The following DNPH1 variants were observed in gnomAD, a reference collection of about 807,000 sequenced individuals.
DNPH1 encodes the protein 2'-deoxynucleoside 5'-phosphate N-hydrolase 1.
A neutral mutation model predicts 15.7 loss-of-function variants in DNPH1; 18 were observed. That is an observed-to-expected ratio of 1.15 (90% CI 0.79 to 1.70). DNPH1 has a LOEUF of 1.70. Ranked by LOEUF, DNPH1 falls within the 40% of genes most tolerant of loss-of-function variation. DNPH1 has a pLI of 0.00. For missense variants in DNPH1, 262 were observed against 255.2 expected (o/e 1.03, Z -0.18); for synonymous variants, 114 against 107.9 (o/e 1.06, Z -0.35).
intron 1 of DNPH1, 25 bp downstream of exon 1, chr6:43,229,236 G>T: frequency 1.5e-6 from 2 of 1,314,878 alleles, no homozygotes; most frequent in Non-Finnish European, 9.6e-7. Context: ...CCGCGTCCCC[G>T]CGTCCCGCGG....
At position 43,226,425 on chromosome 6, in the gene DNPH1, T is replaced by C; in HGVS notation, c.197-30A>G. 1 of 1,596,970 alleles carries C rather than the reference T, an allele frequency of 6.3e-7. No homozygotes were observed. Among genetic ancestry groups the C allele is most frequent in the Middle Eastern group, 1.7e-4 (1 of 6,016 alleles). Reference sequence around the variant, plus strand: ...GTTGAGGGAAAGCTGGTCAAGGACATGCCTCATGCTGGCTCCCAGTAACTC... The same window carrying C: ...GTTGAGGGAAAGCTGGTCAAGGACACGCCTCATGCTGGCTCCCAGTAACTC... On this transcript the variant is annotated intron_variant, in intron 1 of 3. Coordinates refer to ENST00000230431, the MANE Select transcript of DNPH1 (RefSeq NM_006443.3). The surrounding 1 kb of genome is among the most constrained non-coding windows in gnomAD (Gnocchi z 4.1).
intron 1 of DNPH1, among the ~76,000 whole-genome samples, chr6:43,227,134 G>A (rs1053668409): frequency 7.0e-6 from 1 of 143,154 alleles, no homozygotes; most frequent in African/African-American, 2.6e-5. Context: ...GTACAGATTC[G>A]GGCCAGGCGC....
Position 43,226,865 on chromosome 6 carries a change from G to C in DNPH1, c.197-470C>G, listed in dbSNP as rs1776750619. ...CTCATGCCTGTAATCCCAGCACTTT[G>C]GGAGGCTGGGGCGGGTGGATCACTT... On this transcript the variant is annotated intron_variant, in intron 1 of 3. Transcript: ENST00000230431. The surrounding 1 kb of genome is among the most constrained non-coding windows in gnomAD (Gnocchi z 4.1). Among the ~76,000 whole-genome samples, 1 of 152,254 alleles carries C rather than the reference G, an allele frequency of 6.6e-6. No homozygotes were observed. The highest frequency in any genetic ancestry group is 1.5e-5 in the Non-Finnish European group (1 of 68,008).
Position 43,226,321 on chromosome 6 carries a change from A to C in DNPH1, c.265+6T>G. On this transcript the variant is annotated splice_donor_region_variant and intron_variant, in intron 2 of 3. Transcript: ENST00000230431. The surrounding 1 kb of genome is among the most constrained non-coding windows in gnomAD (Gnocchi z 4.1). ...TTAGGTGCTGGAAGGAGGGAGCGCC[A>C]CTCACCGTCCGCCTGCTGCAGCCAC... 6.2e-7 allele frequency: 1 copy of C among 1,611,756 alleles called. No individual in the cohort carries two copies. Among genetic ancestry groups the C allele is most frequent in the Non-Finnish European group, 8.5e-7 (1 of 1,179,664 alleles).
intron 1 of DNPH1, among the ~76,000 whole-genome samples, chr6:43,228,428 G>A (rs1442480643): frequency 6.6e-6 from 1 of 152,168 alleles, no homozygotes; most frequent in Non-Finnish European, 1.5e-5. Flanking sequence ...CTCCAGCCTG[G>A]GCGACAGAGA....
Position 43,226,088 on chromosome 6 carries a change from C to T in DNPH1, c.321G>A (p.Arg107=), listed in dbSNP as rs762785467. 1 of 1,613,664 alleles carries T rather than the reference C, an allele frequency of 6.2e-7. No individual in the cohort carries two copies. Among genetic ancestry groups the T allele is most frequent in the South Asian group, 1.1e-5 (1 of 91,084 alleles). The part of the protein sequence containing the change: ...PSLGVGYELG[R]AVAFNKRILC... The stretch of plus-strand genomic sequence containing the variant: ...GGATCCGCTTGTTAAAGGCCACGGC[C>T]CGGCCCAGCTCATAGCCTACACCCA... Residue 107 remains arginine, a synonymous_variant, in exon 3 of 4, where the codon CGG becomes CGA. Coordinates refer to ENST00000230431, the MANE Select transcript of DNPH1 (RefSeq NM_006443.3). The surrounding 1 kb of genome is among the most constrained non-coding windows in gnomAD (Gnocchi z 4.1).
At position 43,226,934 on chromosome 6, in the gene DNPH1, C is replaced by A. The variant is rs1405783765; in HGVS notation, c.197-539G>T. On this transcript the variant is annotated intron_variant, in intron 1 of 3. Coordinates refer to ENST00000230431, the MANE Select transcript of DNPH1 (RefSeq NM_006443.3). The surrounding 1 kb of genome is among the most constrained non-coding windows in gnomAD (Gnocchi z 4.1). The stretch of plus-strand genomic sequence containing the variant: ...CCAGCCTGGCCAACATGGTGAAACC[C>A]CATCTTTACTAAAAATACAAAAATT... Among the ~76,000 whole-genome samples the A allele has an allele frequency of 6.6e-6, 1 of 151,098 alleles. No homozygotes were observed. The highest frequency in any genetic ancestry group is 2.4e-5 in the African/African-American group (1 of 41,032).
In DNPH1 at chr6:43,229,224, GCCCGCGTC is replaced by G. The variant is rs1015580954; in HGVS notation, c.196+29_196+36del. The G allele has an allele frequency of 9.2e-6, 12 of 1,299,806 alleles. No homozygotes were observed. In the African/African-American group the frequency reaches 1.4e-4, roughly 15 times the overall value. The allele number at this position is 1,299,806 out of a possible 1,614,324, so 80.5% of individuals were successfully genotyped here. On this transcript the variant is annotated intron_variant, in intron 1 of 3. Coordinates refer to ENST00000230431, the MANE Select transcript of DNPH1 (RefSeq NM_006443.3). ...TCCCTGCCACCCCAGCCAGGTCCGC[GCCCGCGTC>G]CCCGCGTCCCGCGGCCCCAGGGCCT...
intron 1 of DNPH1, among the ~76,000 whole-genome samples, chr6:43,228,089 CAAAT>C (rs138632789): frequency 0.1 from 15,929 of 151,972 alleles, 818 homozygotes; most frequent in Admixed American, 0.11. Context: ...AGACTGTTTC[CAAAT>C]AAATAACTAA....
At chr6:43,227,281 A>G (rs1233985209) in intron 1 of DNPH1, among the ~76,000 whole-genome samples, 2 of 151,616 alleles carry the variant, frequency 1.3e-5, no homozygotes, top group Admixed American at 6.6e-5. Flanking sequence ...CAGGCGTGGT[A>G]GCAGGCGCCT....
In DNPH1 at chr6:43,225,835, C is replaced by T. The variant is rs1259763117; in HGVS notation, c.423G>A (p.Gln141=). ...CCTCTCCCTCCTCATAGTCCCACACCTGGAACCGAGAGCCATCTGCTGCTC... is the reference window on the plus strand; with the variant it reads ...CCTCTCCCTCCTCATAGTCCCACACTTGGAACCGAGAGCCATCTGCTGCTC... The part of the protein sequence containing the change: ...IRGAADGSRF[Q]VWDYEEGEVE... Residue 141 remains glutamine, a synonymous_variant, in exon 4 of 4, where the codon CAG becomes CAA. Coordinates refer to ENST00000230431, the MANE Select transcript of DNPH1 (RefSeq NM_006443.3). The T allele has an allele frequency of 6.2e-7, 1 of 1,614,082 alleles. No individual in the cohort carries two copies. Among genetic ancestry groups the T allele is most frequent in the East Asian group, 2.2e-5 (1 of 44,892 alleles).
rs1006951737 is a variant in DNPH1 at position 43,226,704 on chromosome 6, G to A, written c.197-309C>T. The A allele has an allele frequency of 7.4e-6, 3 of 407,422 alleles. No individual in the cohort carries two copies. The Admixed American group carries it at 1.3e-4, about 17-fold the overall frequency. The allele number at this position is 407,422 out of a possible 1,614,324, so 25.2% of individuals were successfully genotyped here. On this transcript the variant is annotated intron_variant, in intron 1 of 3. Coordinates refer to ENST00000230431, the MANE Select transcript of DNPH1 (RefSeq NM_006443.3). The surrounding 1 kb of genome is among the most constrained non-coding windows in gnomAD (Gnocchi z 4.1). Reference sequence around the variant, plus strand: ...GCCAAAAGTAGGAGAGGCATCCTAGGCCCAGAAGGTAGGGATCTCGGGTCT... The same window carrying A: ...GCCAAAAGTAGGAGAGGCATCCTAGACCCAGAAGGTAGGGATCTCGGGTCT...
rs376819578 is a variant in DNPH1, at chr6:43,225,874, C to G, written c.384G>C (p.Ser128=). The G allele has an allele frequency of 1.0e-4, 167 of 1,614,034 alleles. No individual in the cohort carries two copies. Among genetic ancestry groups the G allele is most frequent in the Non-Finnish European group, 1.3e-4 (153 of 1,180,038 alleles). The change falls in exon 4 of 4, where the codon TCG becomes TCC. Residue 128 remains serine (S), a synonymous_variant. Transcript: ENST00000230431. Reference sequence around the variant, plus strand: ...CATCTGCTGCTCCCCGGATCATGGCCGAAAGCACTGGAAAGGGCAGGGAAA... The same window carrying G: ...CATCTGCTGCTCCCCGGATCATGGCGGAAAGCACTGGAAAGGGCAGGGAAA... ...LFRPQSGRVL[S]AMIRGAADGS...
At position 43,226,014 on chromosome 6, in the gene DNPH1, G is replaced by A; in HGVS notation, c.376+19C>T. On this transcript the variant is annotated intron_variant, in intron 3 of 3. Coordinates refer to ENST00000230431, the MANE Select transcript of DNPH1 (RefSeq NM_006443.3). The surrounding 1 kb of genome is among the most constrained non-coding windows in gnomAD (Gnocchi z 4.1). The stretch of plus-strand genomic sequence containing the variant: ...GGCTGGGTCCATAGAAAGCCAGGAG[G>A]GAGGCTTGGGGTGCTCACCGCGGCC... The A allele has an allele frequency of 6.2e-7, 1 of 1,613,696 alleles. No homozygotes were observed. Among genetic ancestry groups the A allele is most frequent in the Non-Finnish European group, 8.5e-7 (1 of 1,179,814 alleles).
chr6:43,228,172 T>G (rs938283668), intron 1 of DNPH1, among the ~76,000 whole-genome samples: 4 of 152,040 alleles, frequency 2.6e-5, no homozygotes, highest in African/African-American at 9.7e-5. Flanking sequence ...AAAGAGAATA[T>G]GAGGCCAGCA....
At chr6:43,225,955 G>GCC (rs1562071044) in intron 3 of DNPH1, 74 bp from the exon 4 acceptor site, 1 of 1,613,324 alleles carries the variant, frequency 6.2e-7, no homozygotes, top group South Asian at 1.1e-5. Context: ...TGGGAGAGGC[G>GCC]CGGTGCTCAG....
chr6:43,228,337 C>G (rs1776773124), intron 1 of DNPH1, among the ~76,000 whole-genome samples: 1 of 152,004 alleles, frequency 6.6e-6, no homozygotes, highest in Non-Finnish European at 1.5e-5. Flanking sequence ...CCCCTGCAGT[C>G]CTTGCTAATA....
Position 43,229,329 on chromosome 6 carries a change from A to G in DNPH1, c.128T>C (p.Val43Ala). 6.7e-7 allele frequency: 1 copy of G among 1,491,868 alleles called. No individual in the cohort carries two copies. Among genetic ancestry groups the G allele is most frequent in the Non-Finnish European group, 8.9e-7 (1 of 1,123,914 alleles). 92.4% of individuals were successfully genotyped at this position (1,491,868 alleles called of 1,614,324 possible). ...TGTCCCGAATCGCCGCAGCCGAGAC[A>G]CGATCCGCTCGTACAGCGTCCTGTC... ...REDRTLYERI[V>A]SRLRRFGTVL... The change falls in exon 1 of 4, where the codon GTG (valine) becomes GCG (alanine). Residue 43 changes from valine (V) to alanine (A), a missense_variant. Transcript: ENST00000230431.
chr6:43,227,918 C>T (rs574857680), intron 1 of DNPH1, among the ~76,000 whole-genome samples: 3 of 152,044 alleles, frequency 2.0e-5, no homozygotes, highest in South Asian at 4.2e-4. Flanking sequence ...GGCAAAATCC[C>T]GTCCCTATAA....
Sources: gnomAD v4.1 joint callset for allele counts (sites outside exome capture counted in the v4.1 genomes callset) on GRCh38, gnomAD v4.1.1 for gene constraint, Gnocchi (gnomAD v3.1) non-coding constraint, MANE v1.5 for transcripts, NCBI Gene and HGNC (gene_info 2026-07-23, HGNC 2026-07-21) for gene names.